STK24: variants seen among roughly 807,000 people sequenced by gnomAD.
STK24 encodes serine/threonine kinase 24.
STK24 carries 21 observed loss-of-function variants against 55.6 expected under a neutral mutation model. That is an observed-to-expected ratio of 0.38 (90% CI 0.27 to 0.54). The LOEUF is 0.54. Among genes scored for constraint, STK24 ranks in the 20% least tolerant of loss-of-function variants. The probability of loss-of-function intolerance (pLI) is 0.79; values close to 1 mark genes in which losing one functional copy is unlikely to be tolerated. For missense variants in STK24, 383 were observed against 538.4 expected (o/e 0.71, Z 2.86); for synonymous variants, 200 against 215.2 (o/e 0.93, Z 0.62).
chr13:98,566,152 TG>T (rs369895787), intron 1 of STK24, among the ~76,000 whole-genome samples: 3,884 of 152,300 alleles, frequency 0.026, 68 homozygotes, highest in South Asian at 0.082. Context: ...CGCCAGGCTA[TG>T]GGGGAAGGAC....
At chr13:98,570,175 G>A (rs778773621) in intron 1 of STK24, among the ~76,000 whole-genome samples, 1 of 152,014 alleles carries the variant, frequency 6.6e-6, no homozygotes, top group Admixed American at 6.5e-5. Flanking sequence ...CACCGCCCCC[G>A]GTCAATTTTT....
chr13:98,529,095 G>A (rs540764995), intron 1 of STK24, among the ~76,000 whole-genome samples: 61 of 152,244 alleles, frequency 4.0e-4, no homozygotes, highest in African/African-American at 1.5e-3. Flanking sequence ...CTGTTGGCCT[G>A]TCTGGCGCTA....
chr13:98,555,844 T>C (rs906527262), intron 1 of STK24, among the ~76,000 whole-genome samples: 181 of 151,092 alleles, frequency 1.2e-3, no homozygotes, highest in African/African-American at 4.3e-3. Context: ...CCACACCCGG[T>C]TAATTTTTTT....
chr13:98,446,171 C>CAA lies in STK24; in HGVS notation c.*7000_*7001dup. On this transcript the variant is annotated 3_prime_UTR_variant, in exon 11 of 11. Coordinates refer to ENST00000539966, the MANE Select transcript of STK24 (RefSeq NM_001032296.4). ...TGGCAGAAGCTGTGGGTGGTGTTCA[C>CAA]AAACTTCTGCCTGTTCTTCTACAAA... The CAA allele has an allele frequency of 6.2e-7, 1 of 1,613,740 alleles. No individual in the cohort carries two copies. Among genetic ancestry groups the CAA allele is most frequent in the Non-Finnish European group, 8.5e-7 (1 of 1,179,634 alleles).
intron 10 of STK24, chr13:98,456,615 T>C (rs1893469914): frequency 8.5e-6 from 4 of 468,872 alleles, no homozygotes; most frequent in Non-Finnish European, 1.8e-5. Context: ...CACTGAGTCC[T>C]CACCCATAGT....
chr13:98,522,202 G>T (rs1701104582), intron 1 of STK24: 5 of 613,002 alleles, frequency 8.2e-6, no homozygotes, highest in Non-Finnish European at 1.0e-5. Flanking sequence ...CACTCCCGCT[G>T]GCTTCTTCCA....
chr13:98,448,500 G>A lies in STK24; in HGVS notation c.*4673C>T, dbSNP rs898370983. 2.7e-5 allele frequency: 16 copies of A among 590,514 alleles called. No homozygotes were observed. Among genetic ancestry groups the A allele is most frequent in the African/African-American group, 1.1e-4 (6 of 53,506 alleles). The allele number at this position is 590,514 out of a possible 1,614,324, so 36.6% of individuals were successfully genotyped here. On this transcript the variant is annotated 3_prime_UTR_variant, in exon 11 of 11. Coordinates refer to ENST00000539966, the MANE Select transcript of STK24 (RefSeq NM_001032296.4). ...ACCTCTCAGCGTCTGAATGAACAGC[G>A]CTCCCACCTCCAGTCCTGGCATCCG...
At chr13:98,530,592 C>T (rs780247807) in intron 1 of STK24, among the ~76,000 whole-genome samples, 1 of 152,222 alleles carries the variant, frequency 6.6e-6, no homozygotes, top group Non-Finnish European at 1.5e-5. Context: ...AGGTCCATCA[C>T]TGTCTCCGGA....
intron 2 of STK24, among the ~76,000 whole-genome samples, chr13:98,483,255 G>A (rs1894669613): frequency 6.6e-6 from 1 of 152,156 alleles, no homozygotes; most frequent in African/African-American, 2.4e-5. Flanking sequence ...CAAGAGCCTG[G>A]CCACGGCGAG....
intron 1 of STK24, among the ~76,000 whole-genome samples, chr13:98,559,512 T>C: frequency 6.6e-6 from 1 of 152,142 alleles, no homozygotes; most frequent in East Asian, 1.9e-4. Context: ...TCTTTATAAA[T>C]ACCCAGTCTC....
intron 1 of STK24, among the ~76,000 whole-genome samples, chr13:98,575,399 TTA>T (rs778672408): frequency 4.7e-3 from 694 of 146,974 alleles, no homozygotes; most frequent in African/African-American, 0.012. Flanking sequence ...TATATACTGC[TTA>T]TATATACACA....
rs151176300 is a variant in STK24, at chr13:98,449,627, C to G, written c.*3546G>C. Reference sequence around the variant, plus strand: ...TCTGACTGGTGTAGCTGGAAACAAACAGCAACTTGCAAACGGACGAAGAGC... The same window carrying G: ...TCTGACTGGTGTAGCTGGAAACAAAGAGCAACTTGCAAACGGACGAAGAGC... On this transcript the variant is annotated 3_prime_UTR_variant, in exon 11 of 11. Transcript: ENST00000539966. 224 of 152,778 alleles carry G rather than the reference C, an allele frequency of 1.5e-3. 1 individual carries two copies. The highest frequency in any genetic ancestry group is 5.1e-3 in the African/African-American group (213 of 41,550). The allele number at this position is 152,778 out of a possible 1,614,324, so 9.5% of individuals were successfully genotyped here.
chr13:98,521,075 C>T (rs1486952046), intron 1 of STK24, among the ~76,000 whole-genome samples: 3 of 152,174 alleles, frequency 2.0e-5, no homozygotes, highest in Admixed American at 1.3e-4. Context: ...CAGCCCACAC[C>T]GGAAGGTCAT....
intron 1 of STK24, among the ~76,000 whole-genome samples, chr13:98,542,374 A>G (rs149862483): frequency 1.0e-3 from 159 of 152,106 alleles, no homozygotes; most frequent in Middle Eastern, 6.8e-3. Flanking sequence ...CATTCATCCT[A>G]TGCACAAACA....
intron 1 of STK24, chr13:98,575,955 C>A (rs1188516579): frequency 1.2e-6 from 1 of 847,346 alleles, no homozygotes; most frequent in Non-Finnish European, 1.4e-6. Flanking sequence ...CTCTCCCACT[C>A]CCCAAAAAGT....
chr13:98,502,593 T>C (rs1008760398), intron 2 of STK24, among the ~76,000 whole-genome samples: 1 of 152,096 alleles, frequency 6.6e-6, no homozygotes, highest in Non-Finnish European at 1.5e-5. Context: ...GGAACAGGTT[T>C]GTTATCGTGA....
intron 1 of STK24, among the ~76,000 whole-genome samples, chr13:98,569,143 C>T (rs557742351): frequency 1.3e-5 from 2 of 152,292 alleles, no homozygotes; most frequent in African/African-American, 4.8e-5. Flanking sequence ...AAGAACAGCA[C>T]AGCCTGCACA....
At chr13:98,466,925 G>A (rs1201579622) in intron 5 of STK24, among the ~76,000 whole-genome samples, 2 of 152,202 alleles carry the variant, frequency 1.3e-5, no homozygotes, top group African/African-American at 4.8e-5. Flanking sequence ...CCCTCCAGCA[G>A]TGCTTAGAAC....
intron 2 of STK24, among the ~76,000 whole-genome samples, chr13:98,503,024 G>GTTTTGTTTTTTTTTT (rs1555306357): frequency 6.5e-5 from 7 of 107,084 alleles, no homozygotes; most frequent in African/African-American, 2.8e-4. Flanking sequence ...CTTTCCATGT[G>GTTTTGTTTTTTTTTT]TTTTTTTTTT....
Sources: gnomAD v4.1 joint callset for allele counts (sites outside exome capture counted in the v4.1 genomes callset) on GRCh38, gnomAD v4.1.1 for gene constraint, MANE v1.5 for transcripts, NCBI Gene and HGNC (gene_info 2026-07-23, HGNC 2026-07-21) for gene names.